The following DACH2 variants were observed in gnomAD, a reference collection of about 807,000 sequenced individuals.
DACH2 encodes the protein dachshund family transcription factor 2, also known as dachshund homolog 2.
A neutral mutation model predicts 35.8 loss-of-function variants in DACH2; 17 were observed. The ratio of observed to expected loss-of-function variants is 0.48; its 90% CI spans 0.33 to 0.71. The LOEUF (loss-of-function observed/expected upper bound fraction) is 0.71. DACH2 is among the 30% of genes least tolerant of loss of function. The probability of loss-of-function intolerance (pLI) is 0.02; values close to 1 mark genes in which losing one functional copy is unlikely to be tolerated. For synonymous variants in DACH2, 195 were observed against 177.3 expected (o/e 1.10, Z -0.79); for missense variants, 469 against 472.7 (o/e 0.99, Z 0.07).
At chrX:86,698,519 GTGTTTTTT>G (rs1177335602) in intron 5 of DACH2, among the ~76,000 whole-genome samples, 1 of 32,082 alleles carries the variant, frequency 3.1e-5, no homozygotes, top group Non-Finnish European at 5.4e-5. Context: ...TGTTAGTTTT[GTGTTTTTT>G]TTTTTTTTTT....
chrX:86,585,745 G>C (rs901841043), intron 3 of DACH2, among the ~76,000 whole-genome samples: 93 of 111,117 alleles, frequency 8.4e-4, no homozygotes, highest in African/African-American at 2.9e-3. Flanking sequence ...AAATGATCTT[G>C]TTCTTTTTTA....
intron 3 of DACH2, among the ~76,000 whole-genome samples, chrX:86,545,229 A>G (rs1366644102): frequency 8.9e-6 from 1 of 112,332 alleles, no homozygotes; most frequent in Non-Finnish European, 1.9e-5. Context: ...TCCATAAAAT[A>G]AAAGAGATCT....
rs942080814 is a variant in DACH2, at chrX:86,392,389, T to C, written c.527+15527T>C. ...AATAAACCATAAAATAATCCCAAAG[T>C]ACTAAATAAAGAAAGGGTGATATTG... On this transcript the variant is annotated intron_variant, in intron 2 of 11. Coordinates refer to ENST00000373125, the MANE Select transcript of DACH2 (RefSeq NM_053281.3). Among the ~76,000 whole-genome samples, 5 of 111,708 alleles carry C rather than the reference T, an allele frequency of 4.5e-5. No individual in the cohort carries two copies. The East Asian group carries it at 8.5e-4, about 19-fold the overall frequency.
At chrX:86,645,713 T>C (rs2040407525) in intron 3 of DACH2, among the ~76,000 whole-genome samples, 1 of 111,457 alleles carries the variant, frequency 9.0e-6, no homozygotes. Context: ...CGGAATATTA[T>C]GCAGCCATAA....
intron 4 of DACH2, among the ~76,000 whole-genome samples, chrX:86,681,734 T>G (rs942218272): frequency 1.8e-5 from 2 of 108,921 alleles, no homozygotes; most frequent in Non-Finnish European, 3.8e-5. Context: ...TTTCATTACT[T>G]TAAGCCCATG....
chrX:86,408,689 G>C (rs779787040), intron 2 of DACH2, among the ~76,000 whole-genome samples: 1 of 111,346 alleles, frequency 9.0e-6, no homozygotes, highest in Non-Finnish European at 1.9e-5. Context: ...AAAAACATCT[G>C]GGAGAAGCTC....
intron 1 of DACH2, among the ~76,000 whole-genome samples, chrX:86,163,376 G>A (rs1185401508): frequency 9.3e-6 from 1 of 107,231 alleles, no homozygotes; most frequent in Admixed American, 1.0e-4. Context: ...AAATGACTGG[G>A]TCTCACTCTT....
intron 2 of DACH2, among the ~76,000 whole-genome samples, chrX:86,421,586 C>T (rs56161812): frequency 0.088 from 9,804 of 110,820 alleles, 1,073 homozygotes; most frequent in African/African-American, 0.3. Context: ...ATCCAAATCC[C>T]CAACAAATGA....
rs1438546724 is a variant in DACH2 at position 86,465,358 on chromosome X, A to G, written c.528-48921A>G. 2.7e-5 allele frequency among the ~76,000 whole-genome samples: 3 copies of G among 112,021 alleles called. No homozygotes were observed. In the Admixed American group the frequency reaches 2.9e-4, roughly 11 times the overall value. ...TTGAAAGGAGCCTGATGTGCCCACCATATCATGTTTAGATACTTGAAGTAG... is the reference window on the plus strand; with the variant it reads ...TTGAAAGGAGCCTGATGTGCCCACCGTATCATGTTTAGATACTTGAAGTAG... On this transcript the variant is annotated intron_variant, in intron 2 of 11. Transcript: ENST00000373125.
chrX:86,233,773 T>A (rs1019384872), intron 1 of DACH2, among the ~76,000 whole-genome samples: 1 of 111,324 alleles, frequency 9.0e-6, no homozygotes, highest in Non-Finnish European at 1.9e-5. Context: ...CAAAAGGCAC[T>A]TCTTACATGG....
At chrX:86,382,298 G>T (rs1318739511) in intron 2 of DACH2, among the ~76,000 whole-genome samples, 1 of 109,528 alleles carries the variant, frequency 9.1e-6, no homozygotes, top group African/African-American at 3.3e-5. Flanking sequence ...TTATCCTGAG[G>T]TTTAACACAG....
intron 11 of DACH2, among the ~76,000 whole-genome samples, chrX:86,820,956 A>C (rs2042505900): frequency 9.0e-6 from 1 of 111,530 alleles, no homozygotes; most frequent in African/African-American, 3.3e-5. Context: ...ATTTGGAAGA[A>C]TAGTAAGAAA....
In DACH2 at chrX:86,504,687, A is replaced by G. The variant is rs915710096; in HGVS notation, c.528-9592A>G. 1.3e-3 allele frequency among the ~76,000 whole-genome samples: 144 copies of G among 111,140 alleles called. 1 individual carries two copies. Among genetic ancestry groups the G allele is most frequent in the Non-Finnish European group, 2.3e-4 (12 of 52,943 alleles). On this transcript the variant is annotated intron_variant, in intron 2 of 11. Coordinates refer to ENST00000373125, the MANE Select transcript of DACH2 (RefSeq NM_053281.3). The stretch of plus-strand genomic sequence containing the variant: ...CATGTCCACTGCCATGGCAACTTTA[A>G]AGATCTTCATGCTCATTTATTAAAG...
chrX:86,345,085 T>G (rs1328664282), intron 1 of DACH2, among the ~76,000 whole-genome samples: 2 of 112,034 alleles, frequency 1.8e-5, no homozygotes, highest in Non-Finnish European at 3.8e-5. Context: ...TTATTTCCTG[T>G]TTTCCTATAA....
intron 1 of DACH2, among the ~76,000 whole-genome samples, chrX:86,170,095 A>G (rs1453677209): frequency 2.7e-5 from 3 of 111,925 alleles, no homozygotes; most frequent in Non-Finnish European, 3.8e-5. Context: ...TCGTAGAGGT[A>G]CTGCCTTGAT....
chrX:86,508,081 A>G (rs2038349990), intron 2 of DACH2, among the ~76,000 whole-genome samples: 1 of 111,582 alleles, frequency 9.0e-6, no homozygotes, highest in South Asian at 3.8e-4. Flanking sequence ...GAATACGCAG[A>G]ATGTAAGGCA....
intron 2 of DACH2, among the ~76,000 whole-genome samples, chrX:86,446,103 T>C (rs1023783150): frequency 1.8e-5 from 2 of 111,033 alleles, no homozygotes; most frequent in African/African-American, 6.5e-5. Flanking sequence ...CATTATGTAA[T>C]TACTTTTTTG....
chrX:86,299,411 A>C (rs1321387269), intron 1 of DACH2, among the ~76,000 whole-genome samples: 2 of 111,933 alleles, frequency 1.8e-5, no homozygotes, highest in South Asian at 3.7e-4. Flanking sequence ...ATAATGGATC[A>C]TGTTCAGCTT....
At chrX:86,717,151 T>C (rs1377995721) in intron 6 of DACH2, among the ~76,000 whole-genome samples, 1 of 111,871 alleles carries the variant, frequency 8.9e-6, no homozygotes, top group African/African-American at 3.2e-5. Context: ...GATTGCATGG[T>C]GGTGGAAAAA....
Sources: allele counts gnomAD v4.1 joint callset (sites outside exome capture counted in the v4.1 genomes callset), GRCh38; gene constraint gnomAD v4.1.1; transcripts MANE v1.5; gene names NCBI Gene and HGNC (gene_info 2026-07-23, HGNC 2026-07-21).